SEZ6L: variants seen among roughly 807,000 people sequenced by gnomAD.
SEZ6L encodes seizure 6-like protein.
Under a neutral mutation model 106.2 loss-of-function variants are expected in SEZ6L, and 37 were observed. The ratio of observed to expected loss-of-function variants is 0.35; its 90% CI spans 0.27 to 0.46. The LOEUF is 0.46. Among genes scored for constraint, SEZ6L ranks in the 20% least tolerant of loss-of-function variants. The pLI is 1.00. For synonymous variants in SEZ6L, 541 were observed against 570.4 expected (o/e 0.95, Z 0.73); for missense variants, 1,172 against 1,332.8 (o/e 0.88, Z 1.88).
intron 9 of SEZ6L, among the ~76,000 whole-genome samples, chr22:26,336,786 G>C (rs1182198580): frequency 1.3e-5 from 2 of 152,096 alleles, no homozygotes; most frequent in Non-Finnish European, 2.9e-5. Context: ...CTCACCCATG[G>C]TACCCACCTA....
At chr22:26,314,014 C>T (rs776453111) in intron 9 of SEZ6L, 112 bp downstream of exon 9, 167 of 1,123,774 alleles carry the variant, frequency 1.5e-4, no homozygotes, top group Non-Finnish European at 1.6e-4. Context: ...CTACTATGTG[C>T]CGGGACTATG....
At chr22:26,190,661 G>A (rs1026589943) in intron 1 of SEZ6L, among the ~76,000 whole-genome samples, 1 of 152,144 alleles carries the variant, frequency 6.6e-6, no homozygotes, top group Non-Finnish European at 1.5e-5. Flanking sequence ...GCTGAGGCTG[G>A]AACCATGTAG....
chr22:26,348,308 C>G (rs888982389), intron 11 of SEZ6L, among the ~76,000 whole-genome samples: 3 of 151,594 alleles, frequency 2.0e-5, no homozygotes, highest in Non-Finnish European at 2.9e-5. Flanking sequence ...GCAGCCTGGG[C>G]AATACAGTGA....
intron 1 of SEZ6L, among the ~76,000 whole-genome samples, chr22:26,235,045 G>A (rs753287097): frequency 2.0e-5 from 3 of 152,132 alleles, no homozygotes; most frequent in African/African-American, 4.8e-5. Flanking sequence ...ACCATATTGC[G>A]TGTTCACTGG....
chr22:26,177,085 C>T (rs1939060150), intron 1 of SEZ6L, among the ~76,000 whole-genome samples: 1 of 152,168 alleles, frequency 6.6e-6, no homozygotes, highest in Admixed American at 6.5e-5. Flanking sequence ...ATGACTTTTC[C>T]TCTTAATCTT....
intron 7 of SEZ6L, among the ~76,000 whole-genome samples, chr22:26,311,478 A>G (rs759721324): frequency 6.6e-6 from 1 of 152,238 alleles, no homozygotes; most frequent in Non-Finnish European, 1.5e-5. Flanking sequence ...GTTACGGGCC[A>G]TGGGAAGGAT....
chr22:26,348,640 GAA>G (rs1427789754), intron 11 of SEZ6L, among the ~76,000 whole-genome samples: 12 of 25,776 alleles, frequency 4.7e-4, no homozygotes, highest in African/African-American at 1.9e-3. Flanking sequence ...AAGAAAGAAA[GAA>G]AGAAAAAGAA....
chr22:26,267,919 G>A lies in SEZ6L; in HGVS notation c.95-24487G>A, dbSNP rs535736341. On this transcript the variant is annotated intron_variant, in intron 1 of 16. Transcript: ENST00000248933. ...TGCTGAAGACCAACAGGAAGAGGAAGTCTGGCTGCATCTGGACCATTGGCA... is the reference window on the plus strand; with the variant it reads ...TGCTGAAGACCAACAGGAAGAGGAAATCTGGCTGCATCTGGACCATTGGCA... Among the ~76,000 whole-genome samples, 14 of 152,316 alleles carry A rather than the reference G, an allele frequency of 9.2e-5. No individual in the cohort carries two copies. In the East Asian group the frequency reaches 2.7e-3, roughly 29 times the overall value.
chr22:26,351,094 G>T lies in SEZ6L; in HGVS notation c.2450G>T (p.Arg817Leu). The T allele has an allele frequency of 6.2e-7, 1 of 1,614,166 alleles. No individual in the cohort carries two copies. The highest frequency in any genetic ancestry group is 8.5e-7 in the Non-Finnish European group (1 of 1,180,024). The stretch of plus-strand genomic sequence containing the variant: ...CCCGGAGAGGTGGATCACTCGACCC[G>T]CTTAATTTCGGATCCTGTGCTGCTG... Reference protein sequence around the residue: ...TDPGEVDHSTRLISDPVLLVG... With the variant: ...TDPGEVDHSTLLISDPVLLVG... The change falls in exon 12 of 17, where the codon CGC becomes CTC. Residue 817 changes from arginine to leucine, a missense_variant. Arg to Leu is a moderately radical substitution (Grantham distance 102, BLOSUM62 -2). Around this residue, in one of 4 missense-constraint regions of SEZ6L, gnomAD observed 534 missense variants for 691.0 expected, o/e 0.77. Transcript: ENST00000248933.
At chr22:26,258,504 C>A (rs2079897034) in intron 1 of SEZ6L, among the ~76,000 whole-genome samples, 1 of 152,186 alleles carries the variant, frequency 6.6e-6, no homozygotes, top group Non-Finnish European at 1.5e-5. Context: ...GAGAACACAG[C>A]ACATTTGATG....
chr22:26,288,013 T>C lies in SEZ6L; in HGVS notation c.95-4393T>C, dbSNP rs141446436. ...TGCTGCGGTTAGCACCCTTGTACCC[T>C]GGGGGACCCAGAGAGTAAGAACAGC... On this transcript the variant is annotated intron_variant, in intron 1 of 16. Transcript: ENST00000248933. Among the ~76,000 whole-genome samples the C allele has an allele frequency of 1.4e-3, 214 of 152,320 alleles. 2 individuals carry two copies. The East Asian group carries it at 0.019, about 13-fold the overall frequency.
intron 6 of SEZ6L, among the ~76,000 whole-genome samples, chr22:26,307,410 G>C (rs1453840279): frequency 2.6e-5 from 4 of 151,334 alleles, no homozygotes; most frequent in Non-Finnish European, 4.4e-5. Context: ...TTTGATCTAA[G>C]AATTCTAATG....
chr22:26,197,100 C>T (rs1229292407), intron 1 of SEZ6L, among the ~76,000 whole-genome samples: 1 of 152,146 alleles, frequency 6.6e-6, no homozygotes, highest in Non-Finnish European at 1.5e-5. Context: ...CTACTTCTTT[C>T]ACATCATCTT....
intron 9 of SEZ6L, among the ~76,000 whole-genome samples, chr22:26,335,997 C>T (rs890340832): frequency 3.3e-5 from 5 of 152,148 alleles, no homozygotes; most frequent in Non-Finnish European, 7.3e-5. Context: ...TCCTCAATGG[C>T]CAGTGCCTTC....
intron 1 of SEZ6L, among the ~76,000 whole-genome samples, chr22:26,173,540 G>A (rs1938769034): frequency 6.6e-6 from 1 of 152,326 alleles, no homozygotes; most frequent in African/African-American, 2.4e-5. Context: ...CAGGTTAATG[G>A]TTGGGAAGAA....
chr22:26,191,773 TG>T (rs1345309995), intron 1 of SEZ6L, among the ~76,000 whole-genome samples: 2 of 152,176 alleles, frequency 1.3e-5, no homozygotes, highest in Non-Finnish European at 2.9e-5. Flanking sequence ...AGAAATAATT[TG>T]CCATCAACTA....
chr22:26,338,717 G>C (rs1165129582), intron 9 of SEZ6L, among the ~76,000 whole-genome samples: 1 of 151,960 alleles, frequency 6.6e-6, no homozygotes, highest in Non-Finnish European at 1.5e-5. Flanking sequence ...CTGCCACCAC[G>C]CCCAGCTAAT....
intron 1 of SEZ6L, among the ~76,000 whole-genome samples, chr22:26,268,624 G>A (rs887866495): frequency 6.6e-6 from 1 of 152,196 alleles, no homozygotes; most frequent in African/African-American, 2.4e-5. Context: ...ATAGGCCAGG[G>A]TCTCTCCATC....
chr22:26,349,866 C>T (rs531640120), intron 11 of SEZ6L, among the ~76,000 whole-genome samples: 1 of 152,168 alleles, frequency 6.6e-6, no homozygotes, highest in Admixed American at 6.5e-5. Context: ...TACATGTTGT[C>T]CAGTTTATTC....
Sources: gnomAD v4.1 joint callset for allele counts (sites outside exome capture counted in the v4.1 genomes callset) on GRCh38, gnomAD v4.1.1 for gene constraint, gnomAD v4.1.1 regional missense constraint, MANE v1.5 for transcripts, NCBI Gene and HGNC (gene_info 2026-07-23, HGNC 2026-07-21) for gene names.